HDAC11: variants seen among roughly 807,000 people sequenced by gnomAD.
The protein encoded by HDAC11 is histone deacetylase 11.
Under a neutral mutation model 41.1 loss-of-function variants are expected in HDAC11, and 23 were observed. That is an observed-to-expected ratio of 0.56 (90% confidence interval 0.40 to 0.79). The LOEUF is 0.79. HDAC11 is among the 30% of genes least tolerant of loss of function. The pLI is 0.00. For missense variants in HDAC11, 402 were observed against 477.3 expected (o/e 0.84, Z 1.47); for synonymous variants, 187 against 186.6 (o/e 1.00, Z -0.02).
intron 4 of HDAC11, among the ~76,000 whole-genome samples, chr3:13,497,612 G>A (rs984392572): frequency 6.6e-6 from 1 of 152,106 alleles, no homozygotes; most frequent in Non-Finnish European, 1.5e-5. Flanking sequence ...CATTGTGTGT[G>A]TGGTTTTTTT....
chr3:13,486,781 G>T (rs893996659), intron 3 of HDAC11, among the ~76,000 whole-genome samples: 1 of 152,016 alleles, frequency 6.6e-6, no homozygotes, highest in Non-Finnish European at 1.5e-5. Context: ...TTTTCACCAT[G>T]TTGGCCAGGC....
rs1435545958 is a variant in HDAC11, at chr3:13,480,846, A to G, written c.3-400A>G. On this transcript the variant is annotated intron_variant, in intron 1 of 9. Coordinates refer to ENST00000295757, the MANE Select transcript of HDAC11 (RefSeq NM_024827.4). The surrounding 1 kb of genome is among the most constrained non-coding windows in gnomAD (Gnocchi z 4.6). Reference sequence around the variant, plus strand: ...CAGTTGCATTCTCTGAGTCCTCACAACAGCCACACATTTTGCAGCCGAAGC... The same window carrying G: ...CAGTTGCATTCTCTGAGTCCTCACAGCAGCCACACATTTTGCAGCCGAAGC... 5 of 391,450 alleles carry G rather than the reference A, an allele frequency of 1.3e-5. No homozygotes were observed. The highest frequency in any genetic ancestry group is 2.0e-5 in the South Asian group (1 of 50,804). 24.2% of individuals were successfully genotyped at this position (391,450 alleles called of 1,614,324 possible). A position where few individuals can be genotyped will look rare whatever the true frequency, so the allele number is the denominator to read the frequency against.
chr3:13,493,358 A>G (rs1407363160), intron 3 of HDAC11, among the ~76,000 whole-genome samples: 1 of 151,826 alleles, frequency 6.6e-6, no homozygotes, highest in Non-Finnish European at 1.5e-5. Flanking sequence ...AGTCCGCCCC[A>G]CCCACTCTGT....
intron 4 of HDAC11, among the ~76,000 whole-genome samples, 157 bp from the exon 5 acceptor site, chr3:13,498,356 G>T (rs1243945789): frequency 6.6e-6 from 1 of 152,202 alleles, no homozygotes; most frequent in African/African-American, 2.4e-5. Context: ...GTTGCTTGGG[G>T]TAGGGAGTTC....
intron 8 of HDAC11, chr3:13,503,234 G>A (rs1702454847): frequency 3.1e-6 from 1 of 324,860 alleles, no homozygotes; most frequent in Non-Finnish European, 5.7e-6. Context: ...AGAAAAAAAA[G>A]AAAAATAGGA....
chr3:13,497,464 G>T (rs1398982555), intron 4 of HDAC11, among the ~76,000 whole-genome samples: 1 of 152,102 alleles, frequency 6.6e-6, no homozygotes, highest in Non-Finnish European at 1.5e-5. Context: ...CAGGCTTTGA[G>T]CCACCATGCC....
intron 5 of HDAC11, 87 bp downstream of exon 5, chr3:13,498,642 T>C: frequency 7.6e-7 from 1 of 1,321,368 alleles, no homozygotes; most frequent in Non-Finnish European, 1.1e-6. Flanking sequence ...GGGAGGATCC[T>C]GGAGGTGGCA....
intron 1 of HDAC11, 89 bp from the exon 2 acceptor site, chr3:13,481,157 G>C: frequency 7.2e-7 from 1 of 1,390,324 alleles, no homozygotes. Flanking sequence ...CTGGGCAATG[G>C]CTGGTGGGTC....
chr3:13,483,554 A>T lies in HDAC11; in HGVS notation c.242A>T (p.Asn81Ile), dbSNP rs757957557. 2 of 1,598,708 alleles carry T rather than the reference A, an allele frequency of 1.3e-6. No individual in the cohort carries two copies. Among genetic ancestry groups the T allele is most frequent in the African/African-American group, 2.7e-5 (2 of 74,218 alleles). ...GTGGTGCACACGAGGCGCTATCTTA[A>T]TGAGCTCAAGGTACAGGATGTCGGG... ...LLVVHTRRYL[N>I]ELKWSFAVAT... Residue 81 changes from asparagine (N) to isoleucine (I), a missense_variant, in exon 3 of 10, where the codon AAT becomes ATT. Asn to Ile is a moderately radical substitution (Grantham distance 149). Transcript: ENST00000295757.
intron 2 of HDAC11, among the ~76,000 whole-genome samples, chr3:13,482,603 C>T (rs149145357): frequency 4.4e-3 from 666 of 152,266 alleles, no homozygotes; most frequent in Admixed American, 7.3e-3. Flanking sequence ...GGCAACATAG[C>T]AAGATCCTGT....
intron 3 of HDAC11, among the ~76,000 whole-genome samples, chr3:13,488,902 A>G (rs1701720160): frequency 6.6e-6 from 1 of 151,162 alleles, no homozygotes; most frequent in South Asian, 2.1e-4. Flanking sequence ...ATCCTTTTCA[A>G]TGCTTGTTAT....
chr3:13,486,352 A>G (rs1229780034), intron 3 of HDAC11, among the ~76,000 whole-genome samples: 1 of 151,246 alleles, frequency 6.6e-6, no homozygotes, highest in African/African-American at 2.4e-5. Context: ...CTGTACAGAG[A>G]GAATAAGACA....
At chr3:13,492,873 G>A (rs1701929562) in intron 3 of HDAC11, among the ~76,000 whole-genome samples, 1 of 152,188 alleles carries the variant, frequency 6.6e-6, no homozygotes, top group Non-Finnish European at 1.5e-5. Context: ...TAGATGAGGA[G>A]GACAGGCCTC....
At position 13,502,301 on chromosome 3, in the gene HDAC11, G is replaced by A. The variant is rs535740439; in HGVS notation, c.552+368G>A. ...AGCACTGGCCACCTGCCCCTCAGGC[G>A]GATGCCCACACACATGGCTTGGCTC... On this transcript the variant is annotated intron_variant, in intron 7 of 9. Coordinates refer to ENST00000295757, the MANE Select transcript of HDAC11 (RefSeq NM_024827.4). The surrounding 1 kb of genome is among the most constrained non-coding windows in gnomAD (Gnocchi z 4.1). The A allele has an allele frequency of 1.2e-4, 29 of 239,484 alleles. No homozygotes were observed. The highest frequency in any genetic ancestry group is 2.8e-4 in the East Asian group (3 of 10,892). 14.8% of individuals were successfully genotyped at this position (239,484 alleles called of 1,614,324 possible).
At position 13,496,742 on chromosome 3, in the gene HDAC11, T is replaced by G; in HGVS notation, c.259T>G (p.Phe87Val). The G allele has an allele frequency of 6.2e-7, 1 of 1,602,434 alleles. No homozygotes were observed. Among genetic ancestry groups the G allele is most frequent in the South Asian group, 1.1e-5 (1 of 89,732 alleles). The stretch of plus-strand genomic sequence containing the variant: ...CCCCTGTCTTTTTCCGCAGTGGTCC[T>G]TTGCTGTTGCTACCATCACAGAAAT... Reference protein sequence around the residue: ...RRYLNELKWSFAVATITEIPP... With the variant: ...RRYLNELKWSVAVATITEIPP... The change falls in exon 4 of 10, where the codon TTT (phenylalanine) becomes GTT (valine). Residue 87 changes from phenylalanine (F) to valine (V), a missense_variant. Physicochemically the swap from Phe to Val is conservative, Grantham distance 50. Coordinates refer to ENST00000295757, the MANE Select transcript of HDAC11 (RefSeq NM_024827.4).
At chr3:13,499,578 C>T (rs1178696107) in intron 5 of HDAC11, among the ~76,000 whole-genome samples, 2 of 152,142 alleles carry the variant, frequency 1.3e-5, no homozygotes, top group Non-Finnish European at 2.9e-5. Context: ...AGCCCTAAAG[C>T]AGGGTCCCCC....
chr3:13,485,774 GA>G lies in HDAC11; in HGVS notation c.252+2211del, dbSNP rs1208144832. On this transcript the variant is annotated intron_variant, in intron 3 of 9. Transcript: ENST00000295757. ...CACTCCAGCTGGTATGACAGAGTGAGACTGTCTCTTAAAAAAAATAATAAAA... is the reference window on the plus strand; with the variant it reads ...CACTCCAGCTGGTATGACAGAGTGAGCTGTCTCTTAAAAAAAATAATAAAA... 4.6e-3 allele frequency among the ~76,000 whole-genome samples: 694 copies of G among 152,174 alleles called. 5 individuals are homozygous for G. Among genetic ancestry groups the G allele is most frequent in the African/African-American group, 0.016 (660 of 41,504 alleles).
intron 3 of HDAC11, among the ~76,000 whole-genome samples, chr3:13,494,279 C>T (rs1021474223): frequency 2.0e-5 from 3 of 152,212 alleles, no homozygotes; most frequent in African/African-American, 2.4e-5. Flanking sequence ...GCTCCTTCAG[C>T]GGCTCGTTTG....
intron 3 of HDAC11, among the ~76,000 whole-genome samples, chr3:13,483,911 T>A (rs1701439703): frequency 6.6e-6 from 1 of 152,148 alleles, no homozygotes; most frequent in Non-Finnish European, 1.5e-5. Context: ...CAACCATACA[T>A]AGCTCTTTCA....
Sources: allele counts gnomAD v4.1 joint callset (sites outside exome capture counted in the v4.1 genomes callset), GRCh38; gene constraint gnomAD v4.1.1; non-coding constraint Gnocchi (gnomAD v3.1); transcripts MANE v1.5; gene names NCBI Gene and HGNC (gene_info 2026-07-23, HGNC 2026-07-21).